The following ZNF888 variants were observed in gnomAD, a reference collection of about 807,000 sequenced individuals.
ZNF888 encodes zinc finger protein 888.
ZNF888 carries 5 observed loss-of-function variants against 7.2 expected under a neutral mutation model. That is an observed-to-expected ratio of 0.70 (90% CI 0.36 to 1.46). The LOEUF (loss-of-function observed/expected upper bound fraction) is 1.46, where lower values mean the gene tolerates loss of function less well. Among genes scored for constraint, ZNF888 ranks in the 40% most tolerant of loss-of-function variants. The pLI is 0.03. For synonymous variants in ZNF888, 240 were observed against 284.3 expected (o/e 0.84, Z 1.57); for missense variants, 716 against 858.0 (o/e 0.83, Z 2.07).
chr19:52,906,817 G>C lies in ZNF888; in HGVS notation c.1505C>G (p.Ala502Gly), dbSNP rs1039292614. The C allele has an allele frequency of 1.5e-5, 24 of 1,613,460 alleles. No homozygotes were observed. In the African/African-American group the frequency reaches 2.9e-4, roughly 20 times the overall value. ...KPYKCKVCDK[A>G]FRRDSHLAQH... ...TGCCAGGTGTGAATCACGTCTGAAA[G>C]CCTTGTCACAAACCTTACATTTGTA... Residue 502 changes from alanine (A) to glycine (G), a missense_variant, in exon 5 of 5, where the codon GCT becomes GGT. This residue lies in a region of ZNF888 where 697 missense variants were observed against 803.4 expected (regional missense o/e 0.87). Transcript: ENST00000638862.
chr19:52,916,936 T>C (rs1457570489), intron 3 of ZNF888, among the ~76,000 whole-genome samples: 1 of 151,468 alleles, frequency 6.6e-6, no homozygotes, highest in Non-Finnish European at 1.5e-5. Context: ...GAAATAATAA[T>C]AATAGGTGGA....
intron 1 of ZNF888, among the ~76,000 whole-genome samples, chr19:52,919,850 C>T (rs1385975747): frequency 1.7e-5 from 1 of 58,114 alleles, no homozygotes; most frequent in Admixed American, 2.1e-4. Flanking sequence ...GCCCGGCCGC[C>T]CCGTCTGAGA....
chr19:52,907,783 G>C lies in ZNF888; in HGVS notation c.539C>G (p.Ser180Cys), dbSNP rs1410472293. ...ASSVSTSQRI[S>C]CRPKTHISNN... ...AGAAATATGGGTTTTGGGCCTACAA[G>C]AAATTCTTTGGGATGTTGAAACTGA... is the stretch of plus-strand genomic sequence containing the variant. The change falls in exon 5 of 5, where the codon TCT becomes TGT. Residue 180 changes from serine to cysteine, a missense_variant. Physicochemically the swap from Ser to Cys is moderately radical, Grantham distance 112 (BLOSUM62 -1). This residue lies in a region of ZNF888 where 697 missense variants were observed against 803.4 expected (regional missense o/e 0.87). Transcript: ENST00000638862. The C allele has an allele frequency of 3.7e-6, 6 of 1,613,998 alleles. No individual in the cohort carries two copies. Among genetic ancestry groups the C allele is most frequent in the East Asian group, 2.2e-5 (1 of 44,888 alleles).
In ZNF888 at chr19:52,905,956, T is replaced by A. The variant is rs189621670; in HGVS notation, c.*209A>T. 3 of 856,468 alleles carry A rather than the reference T, an allele frequency of 3.5e-6. No individual in the cohort carries two copies. The highest frequency in any genetic ancestry group is 4.0e-6 in the Non-Finnish European group (2 of 501,834). The allele number at this position is 856,468 out of a possible 1,614,324, so 53.1% of individuals were successfully genotyped here. Reference sequence around the variant, plus strand: ...CCTGTATGAATTCTCCTGTTTTGCATAGGATGAAGCTTGACTGAAGACCTT... The same window carrying A: ...CCTGTATGAATTCTCCTGTTTTGCAAAGGATGAAGCTTGACTGAAGACCTT... On this transcript the variant is annotated 3_prime_UTR_variant, in exon 5 of 5. Coordinates refer to ENST00000638862, the MANE Select transcript of ZNF888 (RefSeq NM_001393938.1).
rs187046430 is a variant in ZNF888 at position 52,912,137 on chromosome 19, G to A, written c.142+3059C>T. Among the ~76,000 whole-genome samples the A allele has an allele frequency of 3.6e-5, 5 of 138,114 alleles. No individual in the cohort carries two copies. In the South Asian group the frequency reaches 9.3e-4, roughly 26 times the overall value. The allele number at this position is 138,114 out of a possible 152,430, so 90.6% of individuals were successfully genotyped here. On this transcript the variant is annotated intron_variant, in intron 4 of 4. Coordinates refer to ENST00000638862, the MANE Select transcript of ZNF888 (RefSeq NM_001393938.1). ...CTTTATTTTTATTTTTTTTTGAGACGGAATCTTGCTCTGTCACCCAGGCTG... is the reference window on the plus strand; with the variant it reads ...CTTTATTTTTATTTTTTTTTGAGACAGAATCTTGCTCTGTCACCCAGGCTG...
At chr19:52,920,535 A>G (rs2064814901) in intron 1 of ZNF888, among the ~76,000 whole-genome samples, 1 of 44,294 alleles carries the variant, frequency 2.3e-5, no homozygotes, top group African/African-American at 7.1e-5. Context: ...AAGAAAAGGA[A>G]AAAAAAAAAA....
At position 52,906,674 on chromosome 19, in the gene ZNF888, A is replaced by G; in HGVS notation, c.1648T>C (p.Tyr550His). 6.2e-7 allele frequency: 1 copy of G among 1,613,872 alleles called. No homozygotes were observed. Among genetic ancestry groups the G allele is most frequent in the East Asian group, 2.2e-5 (1 of 44,868 alleles). The change falls in exon 5 of 5, where the codon TAC (tyrosine) becomes CAC (histidine). Residue 550 changes from tyrosine to histidine, a missense_variant. Around this residue, in one of 2 missense-constraint regions of ZNF888, gnomAD observed 697 missense variants for 803.4 expected, o/e 0.87. Coordinates refer to ENST00000638862, the MANE Select transcript of ZNF888 (RefSeq NM_001393938.1). Reference protein sequence around the residue: ...HKVIHTGEKRYKCNECGKSFN... With the variant: ...HKVIHTGEKRHKCNECGKSFN... ...CTTTTGCCACATTCATTACACTTGT[A>G]ACGTTTCTCTCCAGTATGAATGACC...
At chr19:52,919,956 T>TAC (rs2064803892) in intron 1 of ZNF888, among the ~76,000 whole-genome samples, 2 of 52,192 alleles carry the variant, frequency 3.8e-5, no homozygotes, top group South Asian at 5.7e-4. Context: ...GGAGCCCCTC[T>TAC]GCCCGGCCAG....
intron 1 of ZNF888, among the ~76,000 whole-genome samples, chr19:52,919,951 C>T (rs1431154402): frequency 5.5e-5 from 3 of 54,412 alleles, no homozygotes; most frequent in African/African-American, 7.5e-5. Context: ...AGTGAGGAGC[C>T]CCTCTGCCCG....
chr19:52,919,953 C>A (rs1477366477), intron 1 of ZNF888, among the ~76,000 whole-genome samples: 1 of 59,976 alleles, frequency 1.7e-5, no homozygotes. Flanking sequence ...TGAGGAGCCC[C>A]TCTGCCCGGC....
chr19:52,916,820 A>G (rs1407915999), intron 3 of ZNF888, among the ~76,000 whole-genome samples: 1 of 151,748 alleles, frequency 6.6e-6, no homozygotes, highest in African/African-American at 2.4e-5. Context: ...CTGGAGGATG[A>G]AGAATCACTT....
chr19:52,922,830 T>C (rs528084320), intron 1 of ZNF888, among the ~76,000 whole-genome samples: 165 of 152,054 alleles, frequency 1.1e-3, no homozygotes, highest in East Asian at 1.2e-3. Flanking sequence ...AGGCCCCGGG[T>C]ACCTCCCCAA....
At chr19:52,912,253 A>G (rs141321970) in intron 4 of ZNF888, among the ~76,000 whole-genome samples, 37,266 of 149,690 alleles carry the variant, frequency 0.25, 5,585 homozygotes, top group Non-Finnish European at 0.33. Context: ...AGCTGGGACT[A>G]CAGGCACCTG....
intron 3 of ZNF888, chr19:52,917,369 A>AG (rs1346586331): frequency 7.3e-6 from 2 of 275,682 alleles, no homozygotes; most frequent in Non-Finnish European, 1.4e-5. Flanking sequence ...TGCTAGAGAC[A>AG]GGGTTTCTCC....
chr19:52,920,507 A>AAAAAAAAAAG (rs2064812668), intron 1 of ZNF888, among the ~76,000 whole-genome samples: 2 of 33,286 alleles, frequency 6.0e-5, no homozygotes, highest in Non-Finnish European at 1.2e-4. Flanking sequence ...AAAAAAAAAA[A>AAAAAAAAAAG]AAAAAAAAAG....
At chr19:52,912,561 TA>T (rs1176685168) in intron 4 of ZNF888, among the ~76,000 whole-genome samples, 3,117 of 114,852 alleles carry the variant, frequency 0.027, 123 homozygotes, top group African/African-American at 0.094. Flanking sequence ...CCATCTCTAC[TA>T]AAAAAAAAAA....
At chr19:52,908,617 G>GT (rs2064639322) in intron 4 of ZNF888, among the ~76,000 whole-genome samples, 1 of 152,118 alleles carries the variant, frequency 6.6e-6, no homozygotes, top group Admixed American at 6.5e-5. Flanking sequence ...ACAAGCTCTT[G>GT]TAAGGATAAC....
chr19:52,916,615 CATATAT>C (rs67843514), intron 3 of ZNF888, among the ~76,000 whole-genome samples: 80,952 of 131,024 alleles, frequency 0.62, 24,541 homozygotes, highest in Non-Finnish European at 0.7. Context: ...TATACATATA[CATATAT>C]ATATATATAT....
In ZNF888 at chr19:52,904,967, A is replaced by C. The variant is rs1377209310; in HGVS notation, c.*1198T>G. ...TAAAAGAAAATTTAAAAACACTTCC[A>C]TTTGCTAGAGAACTTAAAGTAAGAA... is the stretch of plus-strand genomic sequence containing the variant. On this transcript the variant is annotated 3_prime_UTR_variant, in exon 5 of 5. Transcript: ENST00000638862. 6.5e-6 allele frequency: 1 copy of C among 152,844 alleles called. No individual in the cohort carries two copies. The highest frequency in any genetic ancestry group is 1.5e-5 in the Non-Finnish European group (1 of 68,048). 9.5% of individuals were successfully genotyped at this position (152,844 alleles called of 1,614,324 possible).
Sources: allele counts gnomAD v4.1 joint callset (sites outside exome capture counted in the v4.1 genomes callset), GRCh38; gene constraint gnomAD v4.1.1; regional missense constraint gnomAD v4.1.1; transcripts MANE v1.5; gene names NCBI Gene and HGNC (gene_info 2026-07-23, HGNC 2026-07-21).